Variants in RBFOX3 observed in about 807,000 individuals in gnomAD.
RBFOX3 encodes the protein RNA binding fox-1 homolog 3.
Under a neutral mutation model 48.7 loss-of-function variants are expected in RBFOX3, and 17 were observed. That is an observed-to-expected ratio of 0.35 (90% CI 0.24 to 0.52). RBFOX3 has a LOEUF of 0.52. Among genes scored for constraint, RBFOX3 ranks in the 20% least tolerant of loss-of-function variants. The pLI is 0.94. For synonymous variants in RBFOX3, 212 were observed against 209.5 expected (o/e 1.01, Z -0.10); for missense variants, 382 against 497.5 (o/e 0.77, Z 2.21).
intron 1 of RBFOX3, chr17:79,601,801 G>A (rs2093710557): frequency 6.6e-6 from 1 of 152,192 alleles, no homozygotes; most frequent in African/African-American, 2.4e-5. Context: ...GGCCTTAGTT[G>A]TGCCCGTCTG....
At chr17:79,660,572 A>T in the RBFOX3 span, among the ~76,000 whole-genome samples, 15 of 152,264 alleles carry the variant, frequency 9.9e-5, no homozygotes, top group Non-Finnish European at 1.5e-5. Context: ...CATTAGAGAC[A>T]TGCAAATCAA....
At chr17:79,538,657 T>C (rs2089231938) in intron 1 of RBFOX3, among the ~76,000 whole-genome samples, 1 of 152,206 alleles carries the variant, frequency 6.6e-6, no homozygotes, top group Non-Finnish European at 1.5e-5. Context: ...ACTCAACCAC[T>C]GTGTGGTTCC....
At position 79,410,491 on chromosome 17, in the gene RBFOX3, T is replaced by C. The variant is rs547443067; in HGVS notation, c.-175+71963A>G. ...AGGTAGGGAGTTTATCAGGTGGGCC[T>C]GACCTAAGCAGATGAGCCTTTGAAA... On this transcript the variant is annotated intron_variant, in intron 2 of 14. Transcript: ENST00000693108. Among the ~76,000 whole-genome samples, 42 of 152,272 alleles carry C rather than the reference T, an allele frequency of 2.8e-4. 1 individual carries two copies. The South Asian group carries it at 7.9e-3, about 29-fold the overall frequency.
chr17:79,209,668 G>A (rs2058080106), intron 4 of RBFOX3, among the ~76,000 whole-genome samples: 1 of 152,204 alleles, frequency 6.6e-6, no homozygotes, highest in Non-Finnish European at 1.5e-5. Flanking sequence ...GACACAGCAA[G>A]AGGTGGGGTG....
chr17:79,208,641 GGGCAGA>G (rs61527241), intron 4 of RBFOX3: 75,305 of 151,502 alleles, frequency 0.5, 21,027 homozygotes, highest in Non-Finnish European at 0.63. Context: ...GGCCCTTCCC[GGGCAGA>G]GGCAGAGGCA....
At chr17:79,608,050 G>A (rs1188151052) in intron 1 of RBFOX3, among the ~76,000 whole-genome samples, 1 of 152,200 alleles carries the variant, frequency 6.6e-6, no homozygotes, top group Non-Finnish European at 1.5e-5. Context: ...GCAGCCTGAG[G>A]GCGGCCGCCC....
chr17:79,482,232 C>T lies in RBFOX3; in HGVS notation c.-175+222G>A, dbSNP rs966198776. Among the ~76,000 whole-genome samples, 16 of 152,038 alleles carry T rather than the reference C, an allele frequency of 1.1e-4. No individual in the cohort carries two copies. The highest frequency in any genetic ancestry group is 3.4e-4 in the African/African-American group (14 of 41,386). Reference sequence around the variant, plus strand: ...CTGATGGGCTTCGAGGTACAAAGAGCGGTCACTCCTTAAAAATTCTACCCC... The same window carrying T: ...CTGATGGGCTTCGAGGTACAAAGAGTGGTCACTCCTTAAAAATTCTACCCC... On this transcript the variant is annotated intron_variant, in intron 2 of 14. Coordinates refer to ENST00000693108, the MANE Select transcript of RBFOX3 (RefSeq NM_001350451.2). The surrounding 1 kb of genome is among the most constrained non-coding windows in gnomAD (Gnocchi z 4.1).
intron 4 of RBFOX3, among the ~76,000 whole-genome samples, chr17:79,147,614 T>C (rs368806406): frequency 1.3e-5 from 2 of 152,296 alleles, no homozygotes; most frequent in African/African-American, 4.8e-5. Flanking sequence ...CCCCTGCCCT[T>C]GGCAAAGCCC....
intron 3 of RBFOX3, among the ~76,000 whole-genome samples, chr17:79,258,098 T>G (rs1567930654): frequency 6.6e-6 from 1 of 152,136 alleles, no homozygotes; most frequent in Non-Finnish European, 1.5e-5. Flanking sequence ...TTCTTGACAT[T>G]TTCAGGAAGA....
intron 3 of RBFOX3, among the ~76,000 whole-genome samples, chr17:79,236,803 T>C (rs528186126): frequency 1.3e-5 from 2 of 152,170 alleles, no homozygotes; most frequent in African/African-American, 2.4e-5. Context: ...TCCACACGAG[T>C]GCCTGGAGAC....
chr17:79,492,894 G>A (rs997935168), intron 1 of RBFOX3, among the ~76,000 whole-genome samples: 10 of 152,188 alleles, frequency 6.6e-5, no homozygotes, highest in African/African-American at 2.2e-4. Flanking sequence ...TGAGGAGGGA[G>A]GAGGAAGAGC....
chr17:79,301,209 G>T (rs932432136), intron 3 of RBFOX3, among the ~76,000 whole-genome samples: 3 of 152,186 alleles, frequency 2.0e-5, no homozygotes, highest in Admixed American at 2.0e-4. Flanking sequence ...GGGACTTTCT[G>T]GGTCCCAGCC....
chr17:79,541,747 G>C (rs1207853270), intron 1 of RBFOX3, among the ~76,000 whole-genome samples: 1 of 152,196 alleles, frequency 6.6e-6, no homozygotes, highest in Non-Finnish European at 1.5e-5. Context: ...GGATTTCAGT[G>C]GAAACTCTGG....
At chr17:79,394,871 G>A (rs1259577465) in intron 2 of RBFOX3, among the ~76,000 whole-genome samples, 1 of 152,240 alleles carries the variant, frequency 6.6e-6, no homozygotes, top group African/African-American at 2.4e-5. Flanking sequence ...TATGAGAAGA[G>A]CTAGGAGAAG....
intron 2 of RBFOX3, among the ~76,000 whole-genome samples, chr17:79,319,490 CCTGGGCAGATTGGTCTTGT>C (rs1373776345): frequency 1.2e-4 from 18 of 151,940 alleles, no homozygotes; most frequent in African/African-American, 4.4e-4. Flanking sequence ...CCAAGAGCAG[CCTGGGCAGATTGGTCTTGT>C]CTGGGCTGCT....
intron 3 of RBFOX3, among the ~76,000 whole-genome samples, chr17:79,291,279 G>A (rs976090473): frequency 6.6e-6 from 1 of 152,238 alleles, no homozygotes; most frequent in South Asian, 2.1e-4. Context: ...TCTCTCAGAT[G>A]TGCCCTGGGT....
chr17:79,382,270 T>C (rs2060019107), intron 2 of RBFOX3, among the ~76,000 whole-genome samples: 1 of 152,176 alleles, frequency 6.6e-6, no homozygotes, highest in Non-Finnish European at 1.5e-5. Context: ...GGAAACCAGT[T>C]GTCAGGACAG....
intron 2 of RBFOX3, among the ~76,000 whole-genome samples, chr17:79,467,327 A>G (rs62061748): frequency 0.15 from 23,206 of 152,192 alleles, 3,759 homozygotes; most frequent in African/African-American, 0.41. Context: ...GGGATGAGTG[A>G]TAAATAAAGA....
chr17:79,383,335 C>T (rs1025768499), intron 2 of RBFOX3, among the ~76,000 whole-genome samples: 7 of 152,224 alleles, frequency 4.6e-5, no homozygotes, highest in South Asian at 2.1e-4. Context: ...CCTCCCCAAG[C>T]GGCCCAAGAA....
Sources: allele counts gnomAD v4.1 joint callset (sites outside exome capture counted in the v4.1 genomes callset), GRCh38; gene constraint gnomAD v4.1.1; non-coding constraint Gnocchi (gnomAD v3.1); transcripts MANE v1.5; gene names NCBI Gene and HGNC (gene_info 2026-07-23, HGNC 2026-07-21).